B3GALT1: variants seen among roughly 807,000 people sequenced by gnomAD.
The protein encoded by B3GALT1 is beta-1,3-galactosyltransferase 1, also known as UDP-Gal:betaGlcNAc beta 1,3-galactosyltransferase, polypeptide 1.
A neutral mutation model predicts 23.2 loss-of-function variants in B3GALT1; 10 were observed. That is an observed-to-expected ratio of 0.43 (90% CI 0.27 to 0.73). B3GALT1 has a LOEUF of 0.73. B3GALT1 is among the 30% of genes least tolerant of loss of function. B3GALT1 has a pLI of 0.21. For synonymous variants in B3GALT1, 156 were observed against 141.5 expected (o/e 1.10, Z -0.73); for missense variants, 299 against 405.4 (o/e 0.74, Z 2.25).
At chr2:167,756,299 T>C (rs1313872702) in intron 3 of B3GALT1, among the ~76,000 whole-genome samples, 1 of 152,060 alleles carries the variant, frequency 6.6e-6, no homozygotes, top group African/African-American at 2.4e-5. Flanking sequence ...AGACCACCCA[T>C]AGGTGTGTGC....
intron 4 of B3GALT1, among the ~76,000 whole-genome samples, chr2:167,857,424 G>A (rs1690019392): frequency 6.6e-6 from 1 of 152,082 alleles, no homozygotes. Context: ...GCACCAGTAG[G>A]ATGAAAACTG....
intron 4 of B3GALT1, among the ~76,000 whole-genome samples, chr2:167,859,298 T>C (rs1690055410): frequency 2.0e-5 from 3 of 152,210 alleles, no homozygotes; most frequent in Admixed American, 2.0e-4. Context: ...CAAGCATTTA[T>C]TTAAAATGAT....
At chr2:167,540,296 G>T (rs1683514561) in intron 2 of B3GALT1, among the ~76,000 whole-genome samples, 1 of 152,138 alleles carries the variant, frequency 6.6e-6, no homozygotes, top group Admixed American at 6.5e-5. Flanking sequence ...CTGCTATTCA[G>T]AAAGTGGTTT....
Position 167,869,203 on chromosome 2 carries a change from C to G in B3GALT1, c.164C>G (p.Thr55Ser), listed in dbSNP as rs199573451. ...AACTTCACCTTTGGCAACATAAGAA[C>G]TCGACCTATCAACCCACATTCTTTT... The part of the protein sequence containing the change: ...RKNFTFGNIR[T>S]RPINPHSFEF... Residue 55 changes from threonine (T) to serine (S), a missense_variant, in exon 5 of 5, where the codon ACT (threonine) becomes AGT (serine). Physicochemically the swap from Thr to Ser is moderately conservative, Grantham distance 58. Around this residue, in one of 3 missense-constraint regions of B3GALT1, gnomAD observed 162 missense variants for 184.1 expected, o/e 0.88. Coordinates refer to ENST00000392690, the MANE Select transcript of B3GALT1 (RefSeq NM_020981.4). This position sits in a 1 kb window ranked among gnomAD's most constrained non-coding sequence, Gnocchi z 6.4. 233 of 1,614,078 alleles carry G rather than the reference C, an allele frequency of 1.4e-4. No homozygotes were observed. Among genetic ancestry groups the G allele is most frequent in the Non-Finnish European group, 1.9e-4 (225 of 1,180,038 alleles).
chr2:167,669,334 G>A (rs914373881), intron 3 of B3GALT1, among the ~76,000 whole-genome samples: 1 of 152,150 alleles, frequency 6.6e-6, no homozygotes, highest in Non-Finnish European at 1.5e-5. Flanking sequence ...TTTTCAAAGT[G>A]CAAAATTCAA....
chr2:167,780,194 T>C (rs879934156), intron 3 of B3GALT1, among the ~76,000 whole-genome samples: 6 of 152,214 alleles, frequency 3.9e-5, no homozygotes, highest in Non-Finnish European at 5.9e-5. Flanking sequence ...ACACAAACTT[T>C]ATGCACCTGA....
At chr2:167,447,400 G>T (rs1699017105) in intron 1 of B3GALT1, among the ~76,000 whole-genome samples, 1 of 152,212 alleles carries the variant, frequency 6.6e-6, no homozygotes, top group Non-Finnish European at 1.5e-5. Flanking sequence ...GTCAGACAGG[G>T]ACATTTAAGT....
At chr2:167,772,578 C>T (rs936932942) in intron 3 of B3GALT1, among the ~76,000 whole-genome samples, 2 of 152,218 alleles carry the variant, frequency 1.3e-5, no homozygotes, top group African/African-American at 4.8e-5. Context: ...TGCTCTAAAA[C>T]ATGCAGCCTT....
chr2:167,535,307 G>T (rs536237007), intron 2 of B3GALT1, among the ~76,000 whole-genome samples: 1 of 152,280 alleles, frequency 6.6e-6, no homozygotes, highest in East Asian at 1.9e-4. Flanking sequence ...GGGAGCTTAT[G>T]AAAGTGGTGA....
intron 1 of B3GALT1, among the ~76,000 whole-genome samples, chr2:167,396,443 C>G (rs1375613701): frequency 2.6e-5 from 4 of 151,240 alleles, no homozygotes; most frequent in Admixed American, 2.6e-4. Context: ...CTATTTAGAA[C>G]TCTCAAAAAA....
rs1175633929 is a variant in B3GALT1, at chr2:167,778,598, C to A, written c.-351-40074C>A. ...TTTCATCAGCACTCAGAATAGAGACCCAATAGCTATTACAATATTTTGGCT... is the reference window on the plus strand; with the variant it reads ...TTTCATCAGCACTCAGAATAGAGACACAATAGCTATTACAATATTTTGGCT... On this transcript the variant is annotated intron_variant, in intron 3 of 4. Coordinates refer to ENST00000392690, the MANE Select transcript of B3GALT1 (RefSeq NM_020981.4). Among the ~76,000 whole-genome samples the A allele has an allele frequency of 2.6e-5, 4 of 152,060 alleles. No individual in the cohort carries two copies. The East Asian group carries it at 7.7e-4, about 29-fold the overall frequency.
intron 1 of B3GALT1, among the ~76,000 whole-genome samples, chr2:167,400,188 G>GTGTGTGTGTT (rs1450130387): frequency 2.0e-5 from 3 of 151,542 alleles, no homozygotes; most frequent in Admixed American, 6.6e-5. Flanking sequence ...GTGTGTGTGT[G>GTGTGTGTGTT]TGTGTCTGTG....
intron 2 of B3GALT1, among the ~76,000 whole-genome samples, chr2:167,562,649 C>CTTTT (rs60455696): frequency 5.8e-4 from 81 of 138,880 alleles, no homozygotes; most frequent in African/African-American, 2.0e-3. Flanking sequence ...CACAAGCATT[C>CTTTT]TTTTTTTTTT....
At chr2:167,549,966 ATAATATTTTT>A (rs1442918335) in intron 2 of B3GALT1, among the ~76,000 whole-genome samples, 13 of 152,208 alleles carry the variant, frequency 8.5e-5, no homozygotes, top group Non-Finnish European at 1.6e-4. Context: ...GATATTCTCC[ATAATATTTTT>A]TAAGGTTTTT....
chr2:167,613,145 A>G (rs1429880159), intron 2 of B3GALT1, among the ~76,000 whole-genome samples: 1 of 151,946 alleles, frequency 6.6e-6, no homozygotes, highest in Admixed American at 6.6e-5. Flanking sequence ...AGTCTTATAA[A>G]TGTTCACATG....
intron 1 of B3GALT1, among the ~76,000 whole-genome samples, chr2:167,325,759 C>A (rs1478729663): frequency 1.4e-5 from 2 of 143,178 alleles, no homozygotes; most frequent in African/African-American, 5.3e-5. Context: ...GCTGTGTTGC[C>A]TAGGCTGGAG....
intron 3 of B3GALT1, among the ~76,000 whole-genome samples, chr2:167,733,163 A>G (rs1427796621): frequency 4.6e-5 from 7 of 152,154 alleles, no homozygotes; most frequent in South Asian, 4.1e-4. Context: ...CAGGATGTCT[A>G]GAGGCAGGGA....
At chr2:167,848,174 T>G (rs1689800797) in intron 4 of B3GALT1, among the ~76,000 whole-genome samples, 3 of 152,172 alleles carry the variant, frequency 2.0e-5, no homozygotes. Flanking sequence ...AAAACAGAAT[T>G]GGTACCAATC....
chr2:167,520,378 A>G (rs998534772), intron 2 of B3GALT1, among the ~76,000 whole-genome samples: 2 of 152,148 alleles, frequency 1.3e-5, no homozygotes, highest in African/African-American at 4.8e-5. Context: ...ATGGATGCCT[A>G]ATGATTTCCC....
Sources: allele counts gnomAD v4.1 joint callset (sites outside exome capture counted in the v4.1 genomes callset), GRCh38; gene constraint gnomAD v4.1.1; regional missense constraint gnomAD v4.1.1; non-coding constraint Gnocchi (gnomAD v3.1); transcripts MANE v1.5; gene names NCBI Gene and HGNC (gene_info 2026-07-23, HGNC 2026-07-21).